IL1R1: variants seen among roughly 807,000 people sequenced by gnomAD.
The protein encoded by IL1R1 is interleukin-1 receptor type 1.
A neutral mutation model predicts 50.2 loss-of-function variants in IL1R1; 22 were observed. The observed-to-expected ratio is 0.44, with a 90% CI of 0.31 to 0.63. The LOEUF (loss-of-function observed/expected upper bound fraction) is 0.63, where lower values mean the gene tolerates loss of function less well. Among genes scored for constraint, IL1R1 ranks in the 20% least tolerant of loss-of-function variants. The pLI, the probability that IL1R1 is intolerant of heterozygous loss-of-function variation, is 0.07. For missense variants in IL1R1, 509 were observed against 676.2 expected (o/e 0.75, Z 2.74); for synonymous variants, 251 against 236.7 (o/e 1.06, Z -0.55).
At chr2:102,075,295 C>G (rs1006411856) in intron 1 of IL1R1, among the ~76,000 whole-genome samples, 4 of 152,142 alleles carry the variant, frequency 2.6e-5, no homozygotes, top group African/African-American at 9.7e-5. Context: ...GAAAATGTTT[C>G]CATTCAACAC....
chr2:102,108,585 A>G (rs560601946), intron 1 of IL1R1, among the ~76,000 whole-genome samples: 1 of 152,164 alleles, frequency 6.6e-6, no homozygotes, highest in African/African-American at 2.4e-5. Context: ...GTAGAAAAAT[A>G]TTTACCCAGT....
At chr2:102,074,179 T>C (rs1478270595) in intron 1 of IL1R1, among the ~76,000 whole-genome samples, 1 of 152,228 alleles carries the variant, frequency 6.6e-6, no homozygotes, top group Non-Finnish European at 1.5e-5. Context: ...TATTGCTGTG[T>C]AACTACCTCT....
chr2:102,113,102 C>A (rs942241627), intron 1 of IL1R1, among the ~76,000 whole-genome samples: 1 of 152,254 alleles, frequency 6.6e-6, no homozygotes, highest in Non-Finnish European at 1.5e-5. Flanking sequence ...GCCACCCAAT[C>A]TATGATAATT....
chr2:102,175,421 T>G, intron 10 of IL1R1, 57 bp from the exon 11 acceptor site: 1 of 1,343,676 alleles, frequency 7.4e-7, no homozygotes, highest in Non-Finnish European at 1.1e-6. Context: ...GATACTGACT[T>G]TATCAAATCT....
intron 6 of IL1R1, 45 bp downstream of exon 6, chr2:102,166,326 C>A (rs755243724): frequency 1.4e-6 from 2 of 1,419,340 alleles, no homozygotes; most frequent in Non-Finnish European, 1.9e-6. Flanking sequence ...CTGGGAAGGT[C>A]CAGAGACTGT....
chr2:102,139,068 T>C (rs182150265), upstream of IL1R1, among the ~76,000 whole-genome samples: 23 of 152,280 alleles, frequency 1.5e-4, no homozygotes, highest in East Asian at 9.7e-4. Context: ...GAAGGATCAA[T>C]GGAGTTCTTT....
intron 3 of IL1R1, among the ~76,000 whole-genome samples, chr2:102,164,360 GA>G (rs1559500830): frequency 6.6e-6 from 1 of 152,004 alleles, no homozygotes; most frequent in African/African-American, 2.4e-5. Context: ...GTCTTTCTGG[GA>G]TTTCTCTCCT....
At chr2:102,077,088 TGAGA>T (rs1428863871) in intron 1 of IL1R1, among the ~76,000 whole-genome samples, 1 of 152,178 alleles carries the variant, frequency 6.6e-6, no homozygotes, top group East Asian at 1.9e-4. Flanking sequence ...TTATTTTTTT[TGAGA>T]GAGAGTCTTG....
At chr2:102,131,695 A>C (rs1226282754) in intron 1 of IL1R1, among the ~76,000 whole-genome samples, 1 of 152,142 alleles carries the variant, frequency 6.6e-6, no homozygotes, top group Non-Finnish European at 1.5e-5. Context: ...AGAACAGAGC[A>C]TCACGAAACG....
intron 1 of IL1R1, among the ~76,000 whole-genome samples, chr2:102,087,441 C>A (rs1283191185): frequency 1.3e-5 from 2 of 152,176 alleles, no homozygotes; most frequent in African/African-American, 4.8e-5. Flanking sequence ...CCTCTCAAAC[C>A]CTGACACTGC....
upstream of IL1R1, among the ~76,000 whole-genome samples, chr2:102,140,024 T>C (rs2104435401): frequency 6.6e-6 from 1 of 152,184 alleles, no homozygotes; most frequent in East Asian, 1.9e-4. Context: ...TCCCTCTGCT[T>C]CTCCCCTTCC....
At chr2:102,140,651 T>C (rs1682592772), upstream of IL1R1, among the ~76,000 whole-genome samples, 1 of 152,174 alleles carries the variant, frequency 6.6e-6, no homozygotes, top group Admixed American at 6.5e-5. Context: ...CAGATAGGGA[T>C]ACAGGGATGA....
Position 102,153,952 on chromosome 2 carries a change from C to T in IL1R1, c.-72C>T, listed in dbSNP as rs201242774. 2 of 152,294 alleles carry T rather than the reference C, an allele frequency of 1.3e-5. No individual in the cohort carries two copies. Among genetic ancestry groups the T allele is most frequent in the Non-Finnish European group, 2.9e-5 (2 of 68,056 alleles). The allele number at this position is 152,294 out of a possible 1,614,324, so 9.4% of individuals were successfully genotyped here. On this transcript the variant is annotated 5_prime_UTR_variant, in exon 2 of 12. Transcript: ENST00000410023. Reference sequence around the variant, plus strand: ...TCTTCCTTCCCCAGGTAGACGCACCCTCTGAAGATGGTGACTCCCTCCTGA... The same window carrying T: ...TCTTCCTTCCCCAGGTAGACGCACCTTCTGAAGATGGTGACTCCCTCCTGA...
chr2:102,148,174 C>G (rs1232351082), intron 1 of IL1R1, among the ~76,000 whole-genome samples: 1 of 152,182 alleles, frequency 6.6e-6, no homozygotes, highest in Non-Finnish European at 1.5e-5. Context: ...TGACTAATCT[C>G]CACGAGATGG....
intron 1 of IL1R1, among the ~76,000 whole-genome samples, chr2:102,109,890 C>T (rs148069962): frequency 3.3e-5 from 5 of 152,272 alleles, no homozygotes; most frequent in Admixed American, 1.3e-4. Flanking sequence ...TTCTCCTGGG[C>T]GACTTATCTC....
chr2:102,159,419 C>T (rs1331955378), intron 3 of IL1R1, among the ~76,000 whole-genome samples: 1 of 152,156 alleles, frequency 6.6e-6, no homozygotes, highest in Non-Finnish European at 1.5e-5. Flanking sequence ...CCTTCACTTC[C>T]TGCTTGTGTA....
intron 1 of IL1R1, among the ~76,000 whole-genome samples, chr2:102,117,134 A>G (rs1427812731): frequency 6.6e-5 from 10 of 152,192 alleles, no homozygotes; most frequent in Non-Finnish European, 1.5e-5. Flanking sequence ...CGCATGTCCA[A>G]TTTTGGATTA....
intron 1 of IL1R1, among the ~76,000 whole-genome samples, chr2:102,084,301 A>G (rs1301710054): frequency 6.6e-6 from 1 of 152,228 alleles, no homozygotes; most frequent in African/African-American, 2.4e-5. Flanking sequence ...AAACATGGAA[A>G]TGCAGCAAAA....
intron 1 of IL1R1, among the ~76,000 whole-genome samples, chr2:102,092,259 G>A (rs79825984): frequency 2.6e-5 from 4 of 152,072 alleles, no homozygotes; most frequent in Non-Finnish European, 4.4e-5. Flanking sequence ...GGTAATGTTG[G>A]CAGAGGGGCG....
Sources: gnomAD v4.1 joint callset for allele counts (sites outside exome capture counted in the v4.1 genomes callset) on GRCh38, gnomAD v4.1.1 for gene constraint, MANE v1.5 for transcripts, NCBI Gene and HGNC (gene_info 2026-07-23, HGNC 2026-07-21) for gene names.